Variants in PADI1 observed in about 807,000 individuals in gnomAD.
The protein encoded by PADI1 is protein-arginine deiminase type-1.
Under a neutral mutation model 74.8 loss-of-function variants are expected in PADI1, and 65 were observed. The observed-to-expected ratio is 0.87, with a 90% CI of 0.71 to 1.07. The LOEUF is 1.07. Ranked by LOEUF, PADI1 falls within the 50% of genes least tolerant of loss-of-function variation. The pLI, the probability that PADI1 is intolerant of heterozygous loss-of-function variation, is 0.00. For missense variants in PADI1, 943 were observed against 854.0 expected (o/e 1.10, Z -1.30); for synonymous variants, 371 against 336.2 (o/e 1.10, Z -1.13).
At chr1:17,224,520 A>G (rs1401133645) in intron 4 of PADI1, 92 bp downstream of exon 4, 3 of 959,596 alleles carry the variant, frequency 3.1e-6, no homozygotes, top group Non-Finnish European at 4.9e-6. Context: ...CAGAAGAATG[A>G]TGGATCCCCA....
At position 17,229,005 on chromosome 1, in the gene PADI1, A is replaced by G; in HGVS notation, c.883A>G (p.Ile295Val). Residue 295 changes from isoleucine to valine, a missense_variant, in exon 8 of 16, where the codon ATC becomes GTC. By Grantham distance (29) the Ile-to-Val change is conservative. Transcript: ENST00000375471. The stretch of plus-strand genomic sequence containing the variant: ...TGTGGGCTTCCGCATGGCCCCCTGG[A>G]TCATGACGCCCAACACTCAGCCTCC... ...DTVGFRMAPW[I>V]MTPNTQPPEE... The G allele has an allele frequency of 6.3e-7, 1 of 1,593,742 alleles. No individual in the cohort carries two copies. Among genetic ancestry groups the G allele is most frequent in the Non-Finnish European group, 8.6e-7 (1 of 1,169,364 alleles).
Position 17,222,462 on chromosome 1 carries a change from G to A in PADI1, c.265G>A (p.Asp89Asn). Reference sequence around the variant, plus strand: ...GGGCACAGCCAGTAAGGAATTAAAGGACTTCAAGGTAAGAGGCCACTTTCT... The same window carrying A: ...GGGCACAGCCAGTAAGGAATTAAAGAACTTCAAGGTAAGAGGCCACTTTCT... ...SVGTASKELKDFKVRVSYFGE... is the reference protein window; with the variant it reads ...SVGTASKELKNFKVRVSYFGE... Residue 89 changes from aspartate to asparagine, a missense_variant, in exon 2 of 16, where the codon GAC (aspartate) becomes AAC (asparagine). Physicochemically the swap from Asp to Asn is conservative, Grantham distance 23. Transcript: ENST00000375471. 2 of 1,613,350 alleles carry A rather than the reference G, an allele frequency of 1.2e-6. No homozygotes were observed. Among genetic ancestry groups the A allele is most frequent in the Non-Finnish European group, 1.7e-6 (2 of 1,179,296 alleles).
At position 17,237,294 on chromosome 1, in the gene PADI1, G is replaced by GC. The variant is rs1557481222; in HGVS notation, c.1314-17dup. Reference sequence around the variant, plus strand: ...CCTCTCAGGCACAAGGTGACTGCCCGCCCTCTCCCTCCTGGCCAGGTCCGG... The same window carrying GC: ...CCTCTCAGGCACAAGGTGACTGCCCGCCCCTCTCCCTCCTGGCCAGGTCCGG... On this transcript the variant is annotated intron_variant, in intron 11 of 15. Transcript: ENST00000375471. 1.0e-5 allele frequency: 16 copies of GC among 1,589,804 alleles called. No individual in the cohort carries two copies. In the South Asian group the frequency reaches 1.7e-4, roughly 17 times the overall value.
chr1:17,239,851 C>T, intron 14 of PADI1, 68 bp downstream of exon 14: 1 of 1,311,168 alleles, frequency 7.6e-7, no homozygotes, highest in Non-Finnish European at 1.1e-6. Flanking sequence ...GCCCCAGGAA[C>T]TGGGTTGGGT....
At chr1:17,229,836 C>A (rs977066266) in intron 8 of PADI1, among the ~76,000 whole-genome samples, 1 of 152,338 alleles carries the variant, frequency 6.6e-6, no homozygotes, top group South Asian at 2.1e-4. Flanking sequence ...TCCCTGACTC[C>A]CTGTGCTGGG....
At chr1:17,229,162 C>T (rs531567286) in intron 8 of PADI1, 111 bp downstream of exon 8, 2 of 729,564 alleles carry the variant, frequency 2.7e-6, no homozygotes, top group Non-Finnish European at 4.6e-6. Context: ...TTGCGGGCAC[C>T]CATTCAGGCA....
intron 9 of PADI1, 52 bp from the exon 10 acceptor site, chr1:17,230,520 T>A (rs376510642): frequency 9.8e-6 from 13 of 1,328,034 alleles, no homozygotes. Context: ...CACCCTGTTC[T>A]GTAAACCACC....
At chr1:17,224,328 T>C in intron 3 of PADI1, 39 bp from the exon 4 acceptor site, 2 of 1,587,678 alleles carry the variant, frequency 1.3e-6, no homozygotes, top group South Asian at 2.2e-5. Flanking sequence ...AAGATGGGGC[T>C]GGATGAGCCC....
intron 11 of PADI1, among the ~76,000 whole-genome samples, chr1:17,233,805 C>T (rs2072564847): frequency 6.6e-6 from 1 of 152,258 alleles, no homozygotes; most frequent in Non-Finnish European, 1.5e-5. Context: ...CTGAGAAGGT[C>T]ACAGCCTCAC....
chr1:17,240,576 T>C, intron 14 of PADI1, 59 bp from the exon 15 acceptor site: 1 of 1,589,448 alleles, frequency 6.3e-7, no homozygotes, highest in Non-Finnish European at 8.6e-7. Flanking sequence ...GCACAGTAGG[T>C]GCTTGGCCAG....
chr1:17,205,441 T>G, intron 1 of PADI1, 132 bp downstream of exon 1: 1 of 735,988 alleles, frequency 1.4e-6, no homozygotes, highest in Non-Finnish European at 2.3e-6. Flanking sequence ...AAGGTGGAGT[T>G]GGCTGTGGAG....
At chr1:17,210,757 C>T (rs2071813303) in intron 1 of PADI1, among the ~76,000 whole-genome samples, 1 of 152,186 alleles carries the variant, frequency 6.6e-6, no homozygotes, top group Non-Finnish European at 1.5e-5. Flanking sequence ...CCTCAACCTC[C>T]AGCAGCCCCA....
intron 1 of PADI1, among the ~76,000 whole-genome samples, chr1:17,212,853 C>T (rs1212156669): frequency 2.6e-5 from 4 of 152,198 alleles, no homozygotes; most frequent in African/African-American, 4.8e-5. Context: ...CCACCCCCCT[C>T]GCCTTGCCGC....
intron 14 of PADI1, chr1:17,240,007 C>T (rs1049294357): frequency 1.3e-5 from 7 of 533,632 alleles, no homozygotes; most frequent in East Asian, 9.0e-5. Flanking sequence ...GAGGGAGACC[C>T]GGCCCCACGC....
intron 11 of PADI1, among the ~76,000 whole-genome samples, chr1:17,234,383 G>A (rs897141434): frequency 6.6e-6 from 1 of 152,184 alleles, no homozygotes; most frequent in African/African-American, 2.4e-5. Context: ...AGCATTACTG[G>A]GGATAAAGAA....
At chr1:17,207,664 C>T (rs1452392120) in intron 1 of PADI1, among the ~76,000 whole-genome samples, 1 of 152,224 alleles carries the variant, frequency 6.6e-6, no homozygotes, top group African/African-American at 2.4e-5. Context: ...TTAGCGTCCT[C>T]AAATGCAGGC....
chr1:17,225,294 A>G (rs1177946454), intron 4 of PADI1, among the ~76,000 whole-genome samples: 3 of 152,200 alleles, frequency 2.0e-5, no homozygotes, highest in African/African-American at 7.2e-5. Context: ...CAGCAACCAC[A>G]GAGGCAGGGA....
chr1:17,231,130 CA>C (rs1454950574), intron 10 of PADI1, among the ~76,000 whole-genome samples: 1 of 152,180 alleles, frequency 6.6e-6, no homozygotes, highest in African/African-American at 2.4e-5. Context: ...ACCTCCTGTG[CA>C]CAAGATGGCA....
chr1:17,228,517 G>C lies in PADI1; in HGVS notation c.653-108G>C, dbSNP rs2072387211. The C allele has an allele frequency of 9.5e-6, 11 of 1,153,448 alleles. No homozygotes were observed. The East Asian group carries it at 2.6e-4, about 27-fold the overall frequency. The allele number at this position is 1,153,448 out of a possible 1,614,324, so 71.5% of individuals were successfully genotyped here. ...GCAGCTTGCACGTGGCAGAGCCAGA[G>C]AGGAACCCAAGCTGCTCTAACCACA... On this transcript the variant is annotated intron_variant, in intron 6 of 15. Transcript: ENST00000375471.
Sources: allele counts gnomAD v4.1 joint callset (sites outside exome capture counted in the v4.1 genomes callset), GRCh38; gene constraint gnomAD v4.1.1; transcripts MANE v1.5; gene names NCBI Gene and HGNC (gene_info 2026-07-23, HGNC 2026-07-21).